CSMD1: variants seen among roughly 807,000 people sequenced by gnomAD.
CSMD1 encodes CUB and sushi domain-containing protein 1.
In CSMD1, 213 loss-of-function variants were observed where a neutral mutation model predicts 417.5. That is an observed-to-expected ratio of 0.51 (90% CI 0.46 to 0.57). The LOEUF (loss-of-function observed/expected upper bound fraction) is 0.57, where lower values mean the gene tolerates loss of function less well. CSMD1 is among the 20% of genes least tolerant of loss of function. The pLI, the probability that CSMD1 is intolerant of heterozygous loss-of-function variation, is 0.00. For missense variants in CSMD1, 6,923 were observed against 4,529.7 expected (o/e 1.53, Z -15.17); for synonymous variants, 2,862 against 1,736.8 (o/e 1.65, Z -16.11).
At chr8:3,441,306 G>C (rs186520130) in intron 12 of CSMD1, among the ~76,000 whole-genome samples, 1 of 152,022 alleles carries the variant, frequency 6.6e-6, no homozygotes, top group South Asian at 2.1e-4. Flanking sequence ...ATTTGTGGTG[G>C]TTAGTTTCCT....
At chr8:3,148,075 T>G (rs1010551620) in intron 40 of CSMD1, among the ~76,000 whole-genome samples, 1 of 152,170 alleles carries the variant, frequency 6.6e-6, no homozygotes, top group Admixed American at 6.5e-5. Context: ...CATTAGGAAA[T>G]AGGGGACCCT....
At chr8:3,254,265 C>A (rs1444093118) in intron 26 of CSMD1, among the ~76,000 whole-genome samples, 1 of 152,184 alleles carries the variant, frequency 6.6e-6, no homozygotes, top group Non-Finnish European at 1.5e-5. Flanking sequence ...GATGGGCTTC[C>A]CTTTGTGGGT....
Position 3,805,229 on chromosome 8 carries a change from C to T in CSMD1, c.819-51187G>A, listed in dbSNP as rs187788036. On this transcript the variant is annotated intron_variant, in intron 5 of 69. Coordinates refer to ENST00000635120, the MANE Select transcript of CSMD1 (RefSeq NM_033225.6). ...AAGGAGTCAGTTTCCTGCGGGACAC[C>T]AGCATCACAAGGGAACCAACCACCA... Among the ~76,000 whole-genome samples the T allele has an allele frequency of 2.6e-5, 4 of 152,264 alleles. No homozygotes were observed. In the East Asian group the frequency reaches 5.8e-4, roughly 22 times the overall value.
intron 1 of CSMD1, among the ~76,000 whole-genome samples, chr8:4,685,268 G>A (rs1806298232): frequency 6.6e-6 from 1 of 152,180 alleles, no homozygotes; most frequent in Non-Finnish European, 1.5e-5. Context: ...CTTACCACAT[G>A]CATCATATCA....
chr8:4,107,057 G>A (rs1801605308), intron 3 of CSMD1, among the ~76,000 whole-genome samples: 1 of 152,152 alleles, frequency 6.6e-6, no homozygotes, highest in African/African-American at 2.4e-5. Flanking sequence ...ACATCTCCAA[G>A]CAGGCATCCA....
intron 8 of CSMD1, among the ~76,000 whole-genome samples, chr8:3,593,280 C>T (rs892321115): frequency 4.6e-5 from 7 of 152,346 alleles, no homozygotes; most frequent in Admixed American, 1.3e-4. Context: ...AGGAGTAATG[C>T]AGGACTCCTT....
intron 5 of CSMD1, among the ~76,000 whole-genome samples, chr8:3,962,140 ACC>A (rs1563258316): frequency 2.0e-5 from 3 of 151,872 alleles, no homozygotes; most frequent in Non-Finnish European, 4.4e-5. Context: ...TCCAGCCCAC[ACC>A]TGAGCACCTA....
At chr8:3,505,331 A>G (rs1796779499) in intron 10 of CSMD1, among the ~76,000 whole-genome samples, 1 of 152,240 alleles carries the variant, frequency 6.6e-6, no homozygotes, top group Non-Finnish European at 1.5e-5. Flanking sequence ...TTGAAGGAGC[A>G]AAAGATGAAA....
chr8:3,771,891 G>A (rs1798593026), intron 5 of CSMD1, among the ~76,000 whole-genome samples: 1 of 151,896 alleles, frequency 6.6e-6, no homozygotes, highest in Non-Finnish European at 1.5e-5. Context: ...GTCCTGATCT[G>A]ACCCAGATAT....
At chr8:4,160,474 C>G (rs139786674) in intron 3 of CSMD1, among the ~76,000 whole-genome samples, 124 of 152,238 alleles carry the variant, frequency 8.1e-4, no homozygotes, top group Middle Eastern at 3.4e-3. Context: ...GGTCATGTGT[C>G]TTCATGAGGT....
intron 5 of CSMD1, among the ~76,000 whole-genome samples, chr8:3,939,035 C>G (rs1049715040): frequency 1.3e-5 from 2 of 151,832 alleles, no homozygotes; most frequent in Admixed American, 1.3e-4. Flanking sequence ...GATTTTTATT[C>G]CATCATAGTA....
At chr8:2,997,668 G>A (rs1036782242) in intron 54 of CSMD1, among the ~76,000 whole-genome samples, 13 of 152,226 alleles carry the variant, frequency 8.5e-5, no homozygotes, top group East Asian at 3.9e-4. Context: ...TAAGAACTTC[G>A]TAAAGACAGT....
At chr8:3,189,336 C>G (rs1264202076) in intron 34 of CSMD1, among the ~76,000 whole-genome samples, 1 of 152,182 alleles carries the variant, frequency 6.6e-6, no homozygotes, top group East Asian at 1.9e-4. Context: ...ATTTAAGGAC[C>G]TTGGCAGAGT....
chr8:3,818,869 C>G lies in CSMD1; in HGVS notation c.819-64827G>C, dbSNP rs1037374616. Among the ~76,000 whole-genome samples the G allele has an allele frequency of 2.6e-5, 4 of 152,176 alleles. No individual in the cohort carries two copies. The South Asian group carries it at 8.3e-4, about 31-fold the overall frequency. ...TCCCTTGCATGATTTAACAGCCTTG[C>G]TCACACTTCCTTCCTGCAAACTTGA... On this transcript the variant is annotated intron_variant, in intron 5 of 69. Coordinates refer to ENST00000635120, the MANE Select transcript of CSMD1 (RefSeq NM_033225.6).
At chr8:3,001,757 A>G (rs747044992) in intron 52 of CSMD1, among the ~76,000 whole-genome samples, 13 of 152,232 alleles carry the variant, frequency 8.5e-5, no homozygotes, top group Non-Finnish European at 1.8e-4. Flanking sequence ...CAAAATATCA[A>G]GGCGGAGACT....
chr8:3,255,564 A>G (rs190212778), intron 26 of CSMD1, among the ~76,000 whole-genome samples: 15 of 152,104 alleles, frequency 9.9e-5, no homozygotes, highest in Admixed American at 2.0e-4. Flanking sequence ...AGCCTGTGCA[A>G]TGGTGGACGC....
intron 3 of CSMD1, among the ~76,000 whole-genome samples, chr8:4,206,955 A>G (rs1051557526): frequency 6.6e-6 from 1 of 152,172 alleles, no homozygotes; most frequent in Non-Finnish European, 1.5e-5. Context: ...TAAAATGCCT[A>G]TTTCATATAG....
intron 3 of CSMD1, among the ~76,000 whole-genome samples, chr8:4,099,194 TCACACACACACGCA>T (rs1248765511): frequency 2.1e-5 from 3 of 143,634 alleles, no homozygotes; most frequent in Admixed American, 1.4e-4. Context: ...ACATACACAC[TCACACACACACGCA>T]CACACACACA....
intron 3 of CSMD1, among the ~76,000 whole-genome samples, chr8:4,411,472 A>T (rs541583262): frequency 1.3e-5 from 2 of 152,310 alleles, no homozygotes; most frequent in African/African-American, 4.8e-5. Context: ...TCAAATTCCA[A>T]TTAAGAGCCA....
Sources: gnomAD v4.1 joint callset for allele counts (sites outside exome capture counted in the v4.1 genomes callset) on GRCh38, gnomAD v4.1.1 for gene constraint, MANE v1.5 for transcripts, NCBI Gene and HGNC (gene_info 2026-07-23, HGNC 2026-07-21) for gene names.